The following ASIC2 variants were observed in gnomAD, a reference collection of about 807,000 sequenced individuals.
ASIC2 encodes acid sensing ion channel subunit 2, also known as acid-sensing ion channel 2.
A neutral mutation model predicts 57.3 loss-of-function variants in ASIC2; 25 were observed. That is an observed-to-expected ratio of 0.44 (90% CI 0.32 to 0.61). The LOEUF is 0.61. Ranked by LOEUF, ASIC2 falls within the 20% of genes least tolerant of loss-of-function variation. ASIC2 has a pLI of 0.06. For synonymous variants in ASIC2, 319 were observed against 307.5 expected (o/e 1.04, Z -0.39); for missense variants, 641 against 738.1 (o/e 0.87, Z 1.52).
At position 34,119,435 on chromosome 17, in the gene ASIC2, C is replaced by G. The variant is rs137934485; in HGVS notation, c.555+36543G>C. Among the ~76,000 whole-genome samples the G allele has an allele frequency of 1.2e-3, 190 of 152,218 alleles. 1 individual carries two copies. Among genetic ancestry groups the G allele is most frequent in the African/African-American group, 4.3e-3 (180 of 41,514 alleles). ...TATACAGTTTGATGTCTATTTTTACCTGTTAAATGCATTATGCTCCCAGGT... is the reference window on the plus strand; with the variant it reads ...TATACAGTTTGATGTCTATTTTTACGTGTTAAATGCATTATGCTCCCAGGT... On this transcript the variant is annotated intron_variant, in intron 1 of 9. Transcript: ENST00000359872.
Position 33,967,679 on chromosome 17 carries a change from G to A in ASIC2, c.555+188299C>T, listed in dbSNP as rs1035897500. Among the ~76,000 whole-genome samples, 7 of 152,080 alleles carry A rather than the reference G, an allele frequency of 4.6e-5. No homozygotes were observed. The East Asian group carries it at 1.2e-3, about 25-fold the overall frequency. ...TAATCTATTTCTCCCTCTAATATACGCCATAGCAAAATGGGTAACACTGCT... is the reference window on the plus strand; with the variant it reads ...TAATCTATTTCTCCCTCTAATATACACCATAGCAAAATGGGTAACACTGCT... On this transcript the variant is annotated intron_variant, in intron 1 of 9. Transcript: ENST00000359872.
chr17:33,460,156 A>G (rs991444284), intron 1 of ASIC2, among the ~76,000 whole-genome samples: 1 of 152,118 alleles, frequency 6.6e-6, no homozygotes, highest in Non-Finnish European at 1.5e-5. Flanking sequence ...TTTGCTTTGG[A>G]GGAACAATCT....
chr17:33,065,219 C>G (rs1395984089), intron 3 of ASIC2, among the ~76,000 whole-genome samples: 1 of 152,100 alleles, frequency 6.6e-6, no homozygotes, highest in Non-Finnish European at 1.5e-5. Flanking sequence ...GTTTGTCACC[C>G]AGGCTGGAGT....
intron 1 of ASIC2, among the ~76,000 whole-genome samples, chr17:33,730,235 C>G (rs1232462541): frequency 6.6e-6 from 1 of 152,166 alleles, no homozygotes; most frequent in Admixed American, 6.5e-5. Context: ...AACTGAGTCT[C>G]TTCTTTTAAT....
intron 3 of ASIC2, 48 bp from the exon 4 acceptor site, chr17:33,028,440 T>C (rs775598043): frequency 6.2e-7 from 1 of 1,604,076 alleles, no homozygotes; most frequent in Non-Finnish European, 8.5e-7. Flanking sequence ...ACAGACTCAG[T>C]AACTCATTCA....
chr17:34,075,532 TGGAGGAAGGGAAG>T (rs1909602616), intron 1 of ASIC2, among the ~76,000 whole-genome samples: 5 of 152,200 alleles, frequency 3.3e-5, no homozygotes, highest in Admixed American at 3.3e-4. Context: ...TCTAGTTAAT[TGGAGGAAGGGAAG>T]GGAGGAAGTG....
chr17:33,931,098 G>A (rs983178932), intron 1 of ASIC2: 1 of 152,110 alleles, frequency 6.6e-6, no homozygotes, highest in African/African-American at 2.4e-5. Flanking sequence ...GTAGCAGGAT[G>A]AGCCGCAGAA....
intron 1 of ASIC2, among the ~76,000 whole-genome samples, chr17:33,269,599 C>A (rs1904362553): frequency 6.6e-6 from 1 of 150,820 alleles, no homozygotes; most frequent in Non-Finnish European, 1.5e-5. Flanking sequence ...GTTTCTGGAA[C>A]CTAAGGGCTC....
intron 1 of ASIC2, among the ~76,000 whole-genome samples, chr17:33,289,207 T>C (rs1357720172): frequency 6.6e-6 from 1 of 152,162 alleles, no homozygotes; most frequent in Non-Finnish European, 1.5e-5. Context: ...ATACTTTTGC[T>C]TGGATGTGTG....
At chr17:33,994,444 C>T (rs1372292450) in intron 1 of ASIC2, among the ~76,000 whole-genome samples, 1 of 152,150 alleles carries the variant, frequency 6.6e-6, no homozygotes, top group Non-Finnish European at 1.5e-5. Flanking sequence ...AGATGAATTT[C>T]CTGACCACTC....
At chr17:33,305,785 G>A (rs918093124) in intron 1 of ASIC2, among the ~76,000 whole-genome samples, 1 of 152,158 alleles carries the variant, frequency 6.6e-6, no homozygotes, top group African/African-American at 2.4e-5. Flanking sequence ...ATGCTTAAAG[G>A]AATAAATAAA....
chr17:33,971,083 G>A (rs1446429161), intron 1 of ASIC2, among the ~76,000 whole-genome samples: 3 of 152,148 alleles, frequency 2.0e-5, no homozygotes, highest in African/African-American at 7.2e-5. Context: ...CAGGATGCGT[G>A]TGCAATGCGC....
intron 1 of ASIC2, among the ~76,000 whole-genome samples, chr17:33,343,578 C>T (rs149123385): frequency 7.2e-5 from 11 of 152,202 alleles, no homozygotes; most frequent in African/African-American, 2.4e-4. Flanking sequence ...CTATGCCATT[C>T]GCTTGTATGT....
intron 1 of ASIC2, among the ~76,000 whole-genome samples, chr17:33,857,039 T>C (rs887272927): frequency 1.3e-5 from 2 of 152,014 alleles, no homozygotes; most frequent in Non-Finnish European, 2.9e-5. Flanking sequence ...GGCCAAGAGC[T>C]CAGGCATACT....
At chr17:33,884,285 G>A (rs1433472079) in intron 1 of ASIC2, among the ~76,000 whole-genome samples, 1 of 152,168 alleles carries the variant, frequency 6.6e-6, no homozygotes, top group Non-Finnish European at 1.5e-5. Context: ...ACACTAGCAG[G>A]AGCTGAATTC....
chr17:34,099,235 A>T (rs1484854725), intron 1 of ASIC2, among the ~76,000 whole-genome samples: 2 of 148,848 alleles, frequency 1.3e-5, no homozygotes, highest in Non-Finnish European at 3.0e-5. Context: ...AGAAAAAAGA[A>T]AGAGAGAAAG....
chr17:33,560,245 AAAGG>A (rs1389688114), intron 1 of ASIC2, among the ~76,000 whole-genome samples: 1 of 152,192 alleles, frequency 6.6e-6, no homozygotes, highest in East Asian at 1.9e-4. Flanking sequence ...CAGAAACCCT[AAAGG>A]AAGAGAAAAC....
chr17:34,131,941 T>C (rs995256978), intron 1 of ASIC2, among the ~76,000 whole-genome samples: 12 of 152,206 alleles, frequency 7.9e-5, no homozygotes, highest in Non-Finnish European at 1.8e-4. Flanking sequence ...CTCTGGTCTC[T>C]CTTGGGGCAG....
intron 2 of ASIC2, among the ~76,000 whole-genome samples, chr17:33,092,171 G>A (rs760362415): frequency 6.6e-6 from 1 of 152,202 alleles, no homozygotes; most frequent in Admixed American, 6.5e-5. Context: ...GTCAAACCAC[G>A]ACCATAGTTC....
Sources: gnomAD v4.1 joint callset for allele counts (sites outside exome capture counted in the v4.1 genomes callset) on GRCh38, gnomAD v4.1.1 for gene constraint, MANE v1.5 for transcripts, NCBI Gene and HGNC (gene_info 2026-07-23, HGNC 2026-07-21) for gene names.